Variants in SLCO3A1 observed in about 807,000 individuals in gnomAD.
SLCO3A1 encodes the protein PGE1 transporter.
A neutral mutation model predicts 63.1 loss-of-function variants in SLCO3A1; 27 were observed. The ratio of observed to expected loss-of-function variants is 0.43; its 90% CI spans 0.32 to 0.59. The LOEUF (loss-of-function observed/expected upper bound fraction) is 0.59, where lower values mean the gene tolerates loss of function less well. Ranked by LOEUF, SLCO3A1 falls within the 20% of genes least tolerant of loss-of-function variation. The pLI is 0.09. For synonymous variants in SLCO3A1, 473 were observed against 409.9 expected (o/e 1.15, Z -1.86); for missense variants, 773 against 945.8 (o/e 0.82, Z 2.40).
Position 91,942,934 on chromosome 15 carries a change from C to T in SLCO3A1, c.646+26476C>T, listed in dbSNP as rs937940468. Among the ~76,000 whole-genome samples, 7 of 152,216 alleles carry T rather than the reference C, an allele frequency of 4.6e-5. No individual in the cohort carries two copies. Among genetic ancestry groups the T allele is most frequent in the South Asian group, 2.1e-4 (1 of 4,832 alleles). Reference sequence around the variant, plus strand: ...AGCAGAACTGCTCTGCCCGAGTGGGCGTGGGGCCCAGGGCCCAGCCGTTTG... The same window carrying T: ...AGCAGAACTGCTCTGCCCGAGTGGGTGTGGGGCCCAGGGCCCAGCCGTTTG... On this transcript the variant is annotated intron_variant, in intron 2 of 9. Coordinates refer to ENST00000318445, the MANE Select transcript of SLCO3A1 (RefSeq NM_013272.4). This position sits in a 1 kb window ranked among gnomAD's most constrained non-coding sequence, Gnocchi z 4.1.
At chr15:91,938,482 G>GTTTTTTTTTTTTTT (rs71156621) in intron 2 of SLCO3A1, among the ~76,000 whole-genome samples, 2 of 136,250 alleles carry the variant, frequency 1.5e-5, no homozygotes, top group African/African-American at 5.4e-5. Context: ...GGTTTTTTTT[G>GTTTTTTTTTTTTTT]TTTTTTTTTT....
At chr15:91,887,079 G>A (rs1037621998) in intron 1 of SLCO3A1, among the ~76,000 whole-genome samples, 1 of 152,178 alleles carries the variant, frequency 6.6e-6, no homozygotes, top group African/African-American at 2.4e-5. Context: ...GGGGACTGAC[G>A]TGTGAATGCC....
At chr15:91,981,331 T>C (rs1430996225) in intron 2 of SLCO3A1, among the ~76,000 whole-genome samples, 1 of 152,174 alleles carries the variant, frequency 6.6e-6, no homozygotes, top group Non-Finnish European at 1.5e-5. Flanking sequence ...ACATCATCGC[T>C]GGGCAAAGAA....
chr15:92,137,957 G>A (rs1291714598), intron 7 of SLCO3A1, among the ~76,000 whole-genome samples: 2 of 119,674 alleles, frequency 1.7e-5, no homozygotes, highest in African/African-American at 8.3e-5. Flanking sequence ...TTCTTTTGCT[G>A]TGCAGAAGCT....
intron 1 of SLCO3A1, among the ~76,000 whole-genome samples, chr15:91,869,096 C>T (rs562797279): frequency 6.6e-6 from 1 of 152,258 alleles, no homozygotes; most frequent in African/African-American, 2.4e-5. Context: ...ACTCTAGCCC[C>T]TTCTAATTAA....
At chr15:91,879,084 A>G (rs1897482755) in intron 1 of SLCO3A1, among the ~76,000 whole-genome samples, 1 of 152,206 alleles carries the variant, frequency 6.6e-6, no homozygotes. Context: ...ACTTCTACCC[A>G]CATGCAAATT....
Position 91,967,930 on chromosome 15 carries a change from G to A in SLCO3A1, c.646+51472G>A, listed in dbSNP as rs995303951. On this transcript the variant is annotated intron_variant, in intron 2 of 9. Transcript: ENST00000318445. This position sits in a 1 kb window ranked among gnomAD's most constrained non-coding sequence, Gnocchi z 4.4. ...AATCCACAGGCAGCTAAATCAAGAA[G>A]GTGGCTCTCTTCCCTCCTCTTTGCT... is the stretch of plus-strand genomic sequence containing the variant. Among the ~76,000 whole-genome samples, 1 of 152,186 alleles carries A rather than the reference G, an allele frequency of 6.6e-6. No individual in the cohort carries two copies. Among genetic ancestry groups the A allele is most frequent in the African/African-American group, 2.4e-5 (1 of 41,462 alleles).
chr15:92,149,405 A>C (rs1180199585), intron 8 of SLCO3A1: 1 of 152,296 alleles, frequency 6.6e-6, no homozygotes, highest in Non-Finnish European at 1.5e-5. Context: ...AGGCTGGCAC[A>C]GGGGCACAGA....
intron 2 of SLCO3A1, among the ~76,000 whole-genome samples, chr15:92,038,802 C>T (rs969940497): frequency 1.6e-4 from 24 of 152,142 alleles, no homozygotes; most frequent in Admixed American, 8.5e-4. Context: ...CCAAGACCAT[C>T]CTAAGCAAAA....
intron 5 of SLCO3A1, among the ~76,000 whole-genome samples, chr15:92,121,685 G>T (rs1596119706): frequency 6.6e-6 from 1 of 152,000 alleles, no homozygotes; most frequent in East Asian, 1.9e-4. Context: ...AAAATGTGTA[G>T]AGTTAAAAAA....
intron 1 of SLCO3A1, among the ~76,000 whole-genome samples, chr15:91,878,417 G>A (rs1334149385): frequency 6.6e-6 from 1 of 152,182 alleles, no homozygotes; most frequent in African/African-American, 2.4e-5. Flanking sequence ...GATTGCAGAT[G>A]TGTTCACTGT....
At chr15:92,166,693 C>T (rs2048495493), downstream of SLCO3A1, among the ~76,000 whole-genome samples, 1 of 152,204 alleles carries the variant, frequency 6.6e-6, no homozygotes, top group Non-Finnish European at 1.5e-5. Context: ...AAAAGATTCT[C>T]CTGTGGTTGC....
intron 2 of SLCO3A1, among the ~76,000 whole-genome samples, chr15:92,027,696 T>C (rs2046592892): frequency 6.6e-6 from 1 of 152,218 alleles, no homozygotes; most frequent in Non-Finnish European, 1.5e-5. Context: ...CCGTTCAACA[T>C]TTTTATCCAT....
chr15:91,858,273 T>C (rs1005454011), intron 1 of SLCO3A1, among the ~76,000 whole-genome samples: 1 of 152,226 alleles, frequency 6.6e-6, no homozygotes, highest in Non-Finnish European at 1.5e-5. Flanking sequence ...AACCGTATTT[T>C]ATTTAATCAA....
At chr15:92,064,920 TAGAG>T (rs751881879) in intron 2 of SLCO3A1, among the ~76,000 whole-genome samples, 12 of 152,078 alleles carry the variant, frequency 7.9e-5, no homozygotes, top group African/African-American at 2.9e-4. Flanking sequence ...AAAATGCAGT[TAGAG>T]AGAAGAAATA....
In SLCO3A1 at chr15:92,164,146, G is replaced by C; in HGVS notation, c.*1011G>C. On this transcript the variant is annotated 3_prime_UTR_variant, in exon 10 of 10. Coordinates refer to ENST00000318445, the MANE Select transcript of SLCO3A1 (RefSeq NM_013272.4). ...GTTAACCCTTCAAGTCACTAACACA[G>C]TTCTCTAGGCCGGATTTATTATGCT... The C allele has an allele frequency of 1.0e-6, 1 of 984,660 alleles. No individual in the cohort carries two copies. 61.0% of individuals were successfully genotyped at this position (984,660 alleles called of 1,614,324 possible).
At chr15:91,989,300 A>C (rs142010342) in intron 2 of SLCO3A1, among the ~76,000 whole-genome samples, 8 of 152,030 alleles carry the variant, frequency 5.3e-5, no homozygotes, top group African/African-American at 1.9e-4. Context: ...GCAGCCCTTA[A>C]CGTACTGTAT....
At chr15:92,093,457 C>T (rs953321537) in intron 2 of SLCO3A1, among the ~76,000 whole-genome samples, 3 of 152,178 alleles carry the variant, frequency 2.0e-5, no homozygotes, top group Non-Finnish European at 4.4e-5. Flanking sequence ...CTAATACCTC[C>T]CACTAGGCCC....
chr15:91,896,926 T>G (rs11074025), intron 1 of SLCO3A1, among the ~76,000 whole-genome samples: 11,361 of 152,216 alleles, frequency 0.075, 930 homozygotes, highest in African/African-American at 0.19. Context: ...GCCTTGATGC[T>G]GAGGAGAGGT....
Sources: gnomAD v4.1 joint callset for allele counts (sites outside exome capture counted in the v4.1 genomes callset) on GRCh38, gnomAD v4.1.1 for gene constraint, Gnocchi (gnomAD v3.1) non-coding constraint, MANE v1.5 for transcripts, NCBI Gene and HGNC (gene_info 2026-07-23, HGNC 2026-07-21) for gene names.